Variants in IPO7 observed in about 807,000 individuals in gnomAD.
IPO7 encodes the protein importin-7.
IPO7 carries 13 observed loss-of-function variants against 136.4 expected under a neutral mutation model. The observed-to-expected ratio is 0.10, with a 90% CI of 0.06 to 0.15. IPO7 has a LOEUF of 0.15. IPO7 is among the 10% of genes least tolerant of loss of function. IPO7 has a pLI of 1.00. For missense variants in IPO7, 857 were observed against 1,240.6 expected, an observed-to-expected ratio of 0.69 and a Z score of 4.65; for synonymous variants, 403 against 404.4, an observed-to-expected ratio of 1.00 and a Z score of 0.04.
chr11:9,432,584 G>T (rs988429726), intron 16 of IPO7, among the ~76,000 whole-genome samples: 14 of 152,176 alleles, frequency 9.2e-5, no homozygotes, highest in African/African-American at 2.7e-4. Flanking sequence ...TGTTTTAACA[G>T]ATTAATTGTT....
chr11:9,423,696 T>A lies in IPO7; in HGVS notation c.1042-81T>A, dbSNP rs1218825961. 4.6e-5 allele frequency: 38 copies of A among 818,984 alleles called. No individual in the cohort carries two copies. In the East Asian group the frequency reaches 9.4e-4, roughly 20 times the overall value. 50.7% of individuals were successfully genotyped at this position (818,984 alleles called of 1,614,324 possible). A position where few individuals can be genotyped will look rare whatever the true frequency, so the allele number is the denominator to read the frequency against. On this transcript the variant is annotated intron_variant, in intron 9 of 24. Coordinates refer to ENST00000379719, the MANE Select transcript of IPO7 (RefSeq NM_006391.3). Reference sequence around the variant, plus strand: ...GCTTTAAAATACATATAGTGTTACTTTGGTTTTAATACTTAAAGGAAATTT... The same window carrying A: ...GCTTTAAAATACATATAGTGTTACTATGGTTTTAATACTTAAAGGAAATTT...
chr11:9,408,544 A>G lies in IPO7; in HGVS notation c.225A>G (p.Pro75=). Residue 75 remains proline, a synonymous_variant, in exon 3 of 25, where the codon CCA becomes CCG. Transcript: ENST00000379719. ...ATTGGCCTGATCGAGAAACAGCACC[A>G]GGGGATATATCCCCTTATACTATTC... ...TQYWPDRETA[P]GDISPYTIPE... is the part of the protein sequence containing the mutation. The G allele has an allele frequency of 5.0e-6, 8 of 1,607,940 alleles. No homozygotes were observed. The highest frequency in any genetic ancestry group is 6.8e-6 in the Non-Finnish European group (8 of 1,177,214).
At chr11:9,399,671 G>A (rs1438464220) in intron 1 of IPO7, among the ~76,000 whole-genome samples, 2 of 152,130 alleles carry the variant, frequency 1.3e-5, no homozygotes, top group Non-Finnish European at 2.9e-5. Flanking sequence ...AAGAAAGATG[G>A]CCTATGACCA....
Position 9,384,678 on chromosome 11 carries a change from G to T in IPO7, c.-86G>T. Reference sequence around the variant, plus strand: ...CTTTCGCGCCGGTTGCCGCTGCGGAGCGCGGCGGGTCCATGTGCGCAGTGA... The same window carrying T: ...CTTTCGCGCCGGTTGCCGCTGCGGATCGCGGCGGGTCCATGTGCGCAGTGA... On this transcript the variant is annotated 5_prime_UTR_variant, in exon 1 of 25. Transcript: ENST00000379719. 1 of 1,128,858 alleles carries T rather than the reference G, an allele frequency of 8.9e-7. No homozygotes were observed. Among genetic ancestry groups the T allele is most frequent in the Non-Finnish European group, 1.3e-6 (1 of 792,452 alleles). The allele number at this position is 1,128,858 out of a possible 1,614,324, so 69.9% of individuals were successfully genotyped here. A position where few individuals can be genotyped will look rare whatever the true frequency, so the allele number is the denominator to read the frequency against.
intron 6 of IPO7, 41 bp downstream of exon 6, chr11:9,417,189 AT>A: frequency 1.2e-6 from 1 of 862,506 alleles, no homozygotes. Context: ...AAATGTAAAT[AT>A]TTAATGATCT....
chr11:9,440,406 T>C, intron 22 of IPO7, 49 bp from the exon 23 acceptor site: 1 of 1,447,150 alleles, frequency 6.9e-7, no homozygotes, highest in Non-Finnish European at 9.7e-7. Flanking sequence ...ATTTGTTGAG[T>C]AACAAAATAT....
At chr11:9,421,315 C>G (rs545225270) in intron 8 of IPO7, among the ~76,000 whole-genome samples, 6 of 150,496 alleles carry the variant, frequency 4.0e-5, no homozygotes, top group African/African-American at 1.5e-4. Flanking sequence ...AACATATTGT[C>G]AGCAATTTTC....
chr11:9,387,979 C>T (rs1423187056), intron 1 of IPO7, among the ~76,000 whole-genome samples: 2 of 149,382 alleles, frequency 1.3e-5, no homozygotes, highest in Non-Finnish European at 3.0e-5. Flanking sequence ...GAAACCCCGT[C>T]TCTACTAAAA....
At chr11:9,433,904 C>A in intron 18 of IPO7, 58 bp downstream of exon 18, 1 of 1,458,874 alleles carries the variant, frequency 6.9e-7, no homozygotes, top group Non-Finnish European at 9.3e-7. Context: ...TTATTTGTAG[C>A]TTATCATTTG....
intron 1 of IPO7, among the ~76,000 whole-genome samples, chr11:9,387,307 A>T (rs1223764209): frequency 6.6e-6 from 1 of 152,216 alleles, no homozygotes; most frequent in Non-Finnish European, 1.5e-5. Flanking sequence ...TGTTTATAGT[A>T]TAGACAGTTT....
rs202038310 is a variant in IPO7 at position 9,438,045 on chromosome 11, G to GTTTTTTT, written c.2490-9_2490-3dup. The GTTTTTTT allele has an allele frequency of 2.4e-4, 258 of 1,093,398 alleles. 6 individuals are homozygous for GTTTTTTT. Among genetic ancestry groups the GTTTTTTT allele is most frequent in the African/African-American group, 6.3e-4 (21 of 33,286 alleles). The allele number at this position is 1,093,398 out of a possible 1,614,324, so 67.7% of individuals were successfully genotyped here. ...TCTGCTTATTTAAGAAAAGAAAACAGTTTTTTTTTTTTTTTTTTTTTTTTT... is the reference window on the plus strand; with the variant it reads ...TCTGCTTATTTAAGAAAAGAAAACAGTTTTTTTTTTTTTTTTTTTTTTTTTTTTTTTT... On this transcript the variant is annotated intron_variant, in intron 21 of 24. Transcript: ENST00000379719.
At chr11:9,438,055 T>C (rs564403651) in intron 21 of IPO7, 25 bp from the exon 22 acceptor site, 1 of 485,242 alleles carries the variant, frequency 2.1e-6, no homozygotes, top group Non-Finnish European at 2.9e-6. Context: ...GTTTTTTTTT[T>C]TTTTTTTTTT....
At chr11:9,404,341 T>C (rs1854844950) in intron 2 of IPO7, among the ~76,000 whole-genome samples, 1 of 151,122 alleles carries the variant, frequency 6.6e-6, no homozygotes, top group African/African-American at 2.4e-5. Context: ...GGCGGGCGCC[T>C]GTAGTCCCAG....
At chr11:9,409,054 G>GT (rs751184518) in intron 3 of IPO7, among the ~76,000 whole-genome samples, 13 of 150,766 alleles carry the variant, frequency 8.6e-5, no homozygotes, top group East Asian at 2.0e-4. Context: ...ATATAGGCCT[G>GT]TTTTTTTTGT....
intron 18 of IPO7, among the ~76,000 whole-genome samples, chr11:9,434,253 T>C (rs1855340507): frequency 6.6e-6 from 1 of 152,178 alleles, no homozygotes; most frequent in African/African-American, 2.4e-5. Flanking sequence ...TTCAGACTGC[T>C]TCACTGTTCG....
chr11:9,425,381 C>T, intron 12 of IPO7, 119 bp downstream of exon 12: 1 of 673,912 alleles, frequency 1.5e-6, no homozygotes, highest in Non-Finnish European at 2.6e-6. Flanking sequence ...CTGAGGCAGG[C>T]AGATTGCCTG....
At chr11:9,406,852 A>T (rs1854895299) in intron 2 of IPO7, among the ~76,000 whole-genome samples, 1 of 152,130 alleles carries the variant, frequency 6.6e-6, no homozygotes, top group Non-Finnish European at 1.5e-5. Context: ...CCAGTCTGGG[A>T]AACAGAGTGA....
chr11:9,429,761 A>G lies in IPO7; in HGVS notation c.1679A>G (p.Asn560Ser), dbSNP rs1855266448. 11 of 1,604,526 alleles carry G rather than the reference A, an allele frequency of 6.9e-6. No individual in the cohort carries two copies. The East Asian group carries it at 2.0e-4, about 29-fold the overall frequency. ...IRETENDDLT[N>S]VIQKMICEYS... ...GAAACAGAAAATGATGACCTTACCA[A>G]TGTAATTCAGAAAATGATCTGTGAA... Residue 560 changes from asparagine (N) to serine (S), a missense_variant, in exon 15 of 25, where the codon AAT becomes AGT. Coordinates refer to ENST00000379719, the MANE Select transcript of IPO7 (RefSeq NM_006391.3).
intron 10 of IPO7, 46 bp downstream of exon 10, chr11:9,423,922 A>T: frequency 8.7e-7 from 1 of 1,152,518 alleles, no homozygotes; most frequent in Non-Finnish European, 1.3e-6. Flanking sequence ...TCAGTAATTA[A>T]GATTACAGTG....
Sources: allele counts gnomAD v4.1 joint callset (sites outside exome capture counted in the v4.1 genomes callset), GRCh38; gene constraint gnomAD v4.1.1; transcripts MANE v1.5; gene names NCBI Gene and HGNC (gene_info 2026-07-23, HGNC 2026-07-21).